The following ADGRL3 variants were observed in gnomAD, a reference collection of about 807,000 sequenced individuals.
ADGRL3 encodes calcium-independent alpha-latrotoxin receptor 3.
In ADGRL3, 62 loss-of-function variants were observed where a neutral mutation model predicts 153.5. The observed-to-expected ratio is 0.40, with a 90% CI of 0.33 to 0.50. The LOEUF (loss-of-function observed/expected upper bound fraction) is 0.50, where lower values mean the gene tolerates loss of function less well. Among genes scored for constraint, ADGRL3 ranks in the 20% least tolerant of loss-of-function variants. The probability of loss-of-function intolerance (pLI) is 0.47; values close to 1 mark genes in which losing one functional copy is unlikely to be tolerated. For synonymous variants in ADGRL3, 710 were observed against 672.5 expected (o/e 1.06, Z -0.86); for missense variants, 1,641 against 1,859.4 (o/e 0.88, Z 2.16).
At chr4:61,937,255 G>A (rs542528434) in intron 15 of ADGRL3, among the ~76,000 whole-genome samples, 3 of 152,156 alleles carry the variant, frequency 2.0e-5, no homozygotes, top group South Asian at 2.1e-4. Context: ...AACTAGGCCC[G>A]CCACATGCTA....
intron 6 of ADGRL3, among the ~76,000 whole-genome samples, chr4:61,725,505 G>A (rs995577617): frequency 2.0e-5 from 3 of 150,982 alleles, no homozygotes; most frequent in African/African-American, 7.3e-5. Flanking sequence ...TGAGGCAGGA[G>A]AATGGTGTGA....
intron 13 of ADGRL3, among the ~76,000 whole-genome samples, chr4:61,922,679 A>T (rs558062021): frequency 6.6e-6 from 1 of 152,304 alleles, no homozygotes; most frequent in African/African-American, 2.4e-5. Context: ...AAACACATAT[A>T]CTTTAAGAAA....
intron 20 of ADGRL3, among the ~76,000 whole-genome samples, chr4:61,996,924 A>G (rs1339149780): frequency 3.3e-5 from 5 of 152,162 alleles, no homozygotes; most frequent in Admixed American, 2.0e-4. Context: ...GGATTAACTT[A>G]ATTTAGATAA....
chr4:61,340,789 G>A lies in ADGRL3; in HGVS notation c.-239-42335G>A, dbSNP rs1162450304. ...TCAAGAGCCAATGGATTTTGATCTA[G>A]GTTTGTTTGCTGTATTATATATTTA... is the stretch of plus-strand genomic sequence containing the variant. On this transcript the variant is annotated intron_variant, in intron 1 of 26. Coordinates refer to ENST00000683033, the MANE Select transcript of ADGRL3 (RefSeq NM_001387552.1). Among the ~76,000 whole-genome samples the A allele has an allele frequency of 3.3e-5, 5 of 150,804 alleles. No individual in the cohort carries two copies. The Admixed American group carries it at 3.3e-4, about 10-fold the overall frequency.
chr4:61,738,669 CCT>C (rs2096547409), intron 8 of ADGRL3, among the ~76,000 whole-genome samples: 1 of 152,098 alleles, frequency 6.6e-6, no homozygotes, highest in African/African-American at 2.4e-5. Flanking sequence ...ACACTCATCC[CCT>C]GACTTTTAAT....
chr4:61,973,234 A>T (rs1260699460), intron 17 of ADGRL3, among the ~76,000 whole-genome samples: 2 of 152,082 alleles, frequency 1.3e-5, no homozygotes, highest in Non-Finnish European at 2.9e-5. Context: ...GGCAAAAGTC[A>T]CATTTCCCTG....
At chr4:61,972,721 G>A (rs946937841) in intron 17 of ADGRL3, among the ~76,000 whole-genome samples, 4 of 152,120 alleles carry the variant, frequency 2.6e-5, no homozygotes, top group Non-Finnish European at 5.9e-5. Context: ...TGATGGGGAT[G>A]GCATTGAATC....
chr4:61,969,567 G>T (rs2099019412), intron 17 of ADGRL3, among the ~76,000 whole-genome samples: 3 of 151,216 alleles, frequency 2.0e-5, no homozygotes, highest in Admixed American at 1.3e-4. Context: ...ATACTCATTT[G>T]CATCACTGAA....
chr4:61,738,447 T>C (rs1436690738), intron 8 of ADGRL3, among the ~76,000 whole-genome samples: 2 of 152,188 alleles, frequency 1.3e-5, no homozygotes, highest in Non-Finnish European at 2.9e-5. Flanking sequence ...AGTAGTGGGA[T>C]TGCAGGGTCA....
chr4:61,298,008 G>A (rs768375956), intron 1 of ADGRL3, among the ~76,000 whole-genome samples: 8 of 151,944 alleles, frequency 5.3e-5, no homozygotes, highest in Admixed American at 1.3e-4. Flanking sequence ...ACTTTAAATA[G>A]CCATTATATA....
chr4:61,537,092 T>C (rs903355219), intron 4 of ADGRL3, among the ~76,000 whole-genome samples: 1 of 152,148 alleles, frequency 6.6e-6, no homozygotes, highest in African/African-American at 2.4e-5. Context: ...AAGAATTCTC[T>C]TAACATTTGC....
At chr4:61,365,260 A>T (rs986610775) in intron 1 of ADGRL3, among the ~76,000 whole-genome samples, 14 of 152,192 alleles carry the variant, frequency 9.2e-5, no homozygotes, top group Non-Finnish European at 1.8e-4. Context: ...ACAAAAAAAA[A>T]AAATTGAATA....
At chr4:61,832,448 C>T (rs1459912445) in intron 9 of ADGRL3, among the ~76,000 whole-genome samples, 1 of 152,108 alleles carries the variant, frequency 6.6e-6, no homozygotes, top group East Asian at 1.9e-4. Flanking sequence ...AATACAATTG[C>T]ATTTCTTTTA....
intron 4 of ADGRL3, among the ~76,000 whole-genome samples, chr4:61,577,229 GAT>G (rs2098892157): frequency 7.2e-6 from 1 of 139,248 alleles, no homozygotes; most frequent in African/African-American, 2.6e-5. Context: ...ATGGGGGGGG[GAT>G]GAGGGAGGGA....
At chr4:61,677,294 G>A (rs1017583717) in intron 6 of ADGRL3, 5 of 346,050 alleles carry the variant, frequency 1.4e-5, no homozygotes, top group Admixed American at 4.6e-5. Context: ...TATATGTAAT[G>A]TATAGCAGTT....
intron 4 of ADGRL3, among the ~76,000 whole-genome samples, chr4:61,525,667 G>C (rs1452087122): frequency 6.6e-6 from 1 of 152,126 alleles, no homozygotes; most frequent in Non-Finnish European, 1.5e-5. Context: ...GATAGCAATG[G>C]GGATGGAAAG....
chr4:61,596,859 A>G (rs2098991103), intron 5 of ADGRL3, among the ~76,000 whole-genome samples: 1 of 152,190 alleles, frequency 6.6e-6, no homozygotes, highest in Admixed American at 6.5e-5. Context: ...CCCTGTCTCA[A>G]AAAACTGTTG....
chr4:61,968,777 C>A (rs1450011436), intron 17 of ADGRL3, among the ~76,000 whole-genome samples: 2 of 152,156 alleles, frequency 1.3e-5, no homozygotes, highest in African/African-American at 2.4e-5. Flanking sequence ...AAGAACTGTT[C>A]ATTTTCTCTT....
intron 2 of ADGRL3, among the ~76,000 whole-genome samples, chr4:61,453,612 T>C (rs2097700705): frequency 6.6e-6 from 1 of 152,132 alleles, no homozygotes; most frequent in Admixed American, 6.5e-5. Context: ...CTTATCTACA[T>C]TGCCTCTAAG....
Sources: gnomAD v4.1 joint callset for allele counts (sites outside exome capture counted in the v4.1 genomes callset) on GRCh38, gnomAD v4.1.1 for gene constraint, MANE v1.5 for transcripts, NCBI Gene and HGNC (gene_info 2026-07-23, HGNC 2026-07-21) for gene names.